AMZ1: variants seen among roughly 807,000 people sequenced by gnomAD.
AMZ1 encodes archaelysin family metallopeptidase 1.
Under a neutral mutation model 29.9 loss-of-function variants are expected in AMZ1, and 39 were observed. That is an observed-to-expected ratio of 1.30 (90% CI 1.01 to 1.70). The LOEUF (loss-of-function observed/expected upper bound fraction) is 1.70, where lower values mean the gene tolerates loss of function less well. Among genes scored for constraint, AMZ1 ranks in the 40% most tolerant of loss-of-function variants. The pLI is 0.00. For synonymous variants in AMZ1, 458 were observed against 304.0 expected (o/e 1.51, Z -5.27); for missense variants, 1,041 against 680.6 (o/e 1.53, Z -5.89).
intron 1 of AMZ1, among the ~76,000 whole-genome samples, chr7:2,698,814 C>T (rs529170668): frequency 2.4e-4 from 37 of 152,200 alleles, no homozygotes; most frequent in African/African-American, 5.8e-4. Flanking sequence ...CCAGCCTGGA[C>T]GAAACAGCGA....
intron 1 of AMZ1, among the ~76,000 whole-genome samples, chr7:2,680,149 G>C (rs947229704): frequency 6.6e-6 from 1 of 152,174 alleles, no homozygotes; most frequent in Non-Finnish European, 1.5e-5. Context: ...AGGTTGACTA[G>C]ATGCTCCTTG....
intron 6 of AMZ1, among the ~76,000 whole-genome samples, chr7:2,711,103 C>T (rs767350771): frequency 6.6e-6 from 1 of 152,188 alleles, no homozygotes; most frequent in African/African-American, 2.4e-5. Context: ...GAGGGTGTAG[C>T]TCCTCCTCCT....
intron 1 of AMZ1, among the ~76,000 whole-genome samples, 165 bp downstream of exon 1, chr7:2,688,461 G>T (rs1025895479): frequency 1.3e-5 from 2 of 152,060 alleles, no homozygotes; most frequent in Non-Finnish European, 2.9e-5. Flanking sequence ...GCGGAGACGC[G>T]AAGGGCGCAC....
At position 2,717,627 on chromosome 7, in the gene AMZ1, G is replaced by T. The variant is rs1484135522; in HGVS notation, c.*4749G>T. ...CACGAGGCTGTCAAAGATAAACACC[G>T]CAGGGTAATCTAGGAAACACTTCCG... On this transcript the variant is annotated 3_prime_UTR_variant, in exon 7 of 7. Transcript: ENST00000683327. Among the ~76,000 whole-genome samples, 1 of 152,198 alleles carries T rather than the reference G, an allele frequency of 6.6e-6. No individual in the cohort carries two copies. Among genetic ancestry groups the T allele is most frequent in the Non-Finnish European group, 1.5e-5 (1 of 68,040 alleles).
intron 4 of AMZ1, among the ~76,000 whole-genome samples, chr7:2,740,864 G>A (rs1003378160): frequency 1.3e-5 from 2 of 152,190 alleles, no homozygotes; most frequent in African/African-American, 4.8e-5. Flanking sequence ...CTAGCATGGT[G>A]AAACCCTGCC....
At position 2,708,579 on chromosome 7, in the gene AMZ1, T is replaced by A. The variant is rs762249670; in HGVS notation, c.473-9T>A. The A allele has an allele frequency of 3.7e-6, 6 of 1,611,818 alleles. No individual in the cohort carries two copies. Among genetic ancestry groups the A allele is most frequent in the Non-Finnish European group, 5.1e-6 (6 of 1,179,814 alleles). On this transcript the variant is annotated splice_polypyrimidine_tract_variant and intron_variant, in intron 3 of 6. Coordinates refer to ENST00000683327, the MANE Select transcript of AMZ1 (RefSeq NM_001384743.1). ...CTCCTGACCCCATCCTCTGGCCCTC[T>A]CCCCGCAGACGGCATCCTGTCCTTC...
intron 1 of AMZ1, among the ~76,000 whole-genome samples, chr7:2,692,408 G>A (rs1583144612): frequency 6.6e-6 from 1 of 152,312 alleles, no homozygotes; most frequent in East Asian, 1.9e-4. Context: ...CGGGTGTGGT[G>A]GCGGGCGCCT....
intron 4 of AMZ1, among the ~76,000 whole-genome samples, chr7:2,740,123 C>T (rs530131528): frequency 5.3e-5 from 8 of 152,148 alleles, no homozygotes; most frequent in East Asian, 1.9e-4. Context: ...TTTTTAAAAA[C>T]GGTGGCCATC....
rs1788901608 is a variant in AMZ1 at position 2,713,026 on chromosome 7, C to A, written c.*148C>A. The A allele has an allele frequency of 4.5e-6, 4 of 891,380 alleles. No individual in the cohort carries two copies. The highest frequency in any genetic ancestry group is 6.2e-6 in the Non-Finnish European group (4 of 647,146). The allele number at this position is 891,380 out of a possible 1,614,324, so 55.2% of individuals were successfully genotyped here. A position where few individuals can be genotyped will look rare whatever the true frequency, so the allele number is the denominator to read the frequency against. ...CCTGTCATCCCATCACTTTGAGAGG[C>A]CAGGAGTTTGAGACCAGACTGGGCA... On this transcript the variant is annotated 3_prime_UTR_variant, in exon 7 of 7. Coordinates refer to ENST00000683327, the MANE Select transcript of AMZ1 (RefSeq NM_001384743.1).
intron 4 of AMZ1, among the ~76,000 whole-genome samples, chr7:2,758,572 T>C (rs548739956): frequency 6.6e-6 from 1 of 151,866 alleles, no homozygotes; most frequent in Non-Finnish European, 1.5e-5. Context: ...CAAAGGGAGG[T>C]GATCTTGGTG....
upstream of AMZ1, chr7:2,762,674 T>C: frequency 6.3e-7 from 1 of 1,595,684 alleles, no homozygotes; most frequent in Non-Finnish European, 8.5e-7. Flanking sequence ...ATAAATCATT[T>C]GGAAAGAAAC....
Position 2,718,044 on chromosome 7 carries a change from G to C in AMZ1, c.*5166G>C, listed in dbSNP as rs892265497. On this transcript the variant is annotated 3_prime_UTR_variant, in exon 7 of 7. Coordinates refer to ENST00000683327, the MANE Select transcript of AMZ1 (RefSeq NM_001384743.1). ...CAGAGGGTCCGCGGCAGCCAGGCCC[G>C]TCCAACCTCCTGCCCTCTCTGAGAG... is the stretch of plus-strand genomic sequence containing the variant. 5.9e-5 allele frequency among the ~76,000 whole-genome samples: 9 copies of C among 152,204 alleles called. No individual in the cohort carries two copies. Among genetic ancestry groups the C allele is most frequent in the Non-Finnish European group, 1.2e-4 (8 of 68,032 alleles).
rs1012246608 is a variant in AMZ1, at chr7:2,718,780, C to T, written c.*5902C>T. Reference sequence around the variant, plus strand: ...AAGCGGGCAGGCCAGGGCCGAGCTGCGTCCGGCTCTCAGGGACTTCCTCTC... The same window carrying T: ...AAGCGGGCAGGCCAGGGCCGAGCTGTGTCCGGCTCTCAGGGACTTCCTCTC... On this transcript the variant is annotated 3_prime_UTR_variant, in exon 7 of 7. Transcript: ENST00000683327. Among the ~76,000 whole-genome samples the T allele has an allele frequency of 7.2e-5, 11 of 152,326 alleles. No individual in the cohort carries two copies. The highest frequency in any genetic ancestry group is 5.8e-4 in the East Asian group (3 of 5,168).
Position 2,719,151 on chromosome 7 carries a change from G to C in AMZ1, c.*6273G>C, listed in dbSNP as rs112715629. Reference sequence around the variant, plus strand: ...GGCCTTTACTGGATGGGCAGGATGCGGGCAGCAGCTTTGTCGGCTGCCAAC... The same window carrying C: ...GGCCTTTACTGGATGGGCAGGATGCCGGCAGCAGCTTTGTCGGCTGCCAAC... On this transcript the variant is annotated 3_prime_UTR_variant, in exon 7 of 7. Transcript: ENST00000683327. 6.6e-6 allele frequency among the ~76,000 whole-genome samples: 1 copy of C among 152,270 alleles called. No homozygotes were observed. Among genetic ancestry groups the C allele is most frequent in the African/African-American group, 2.4e-5 (1 of 41,560 alleles).
intron 3 of AMZ1, among the ~76,000 whole-genome samples, chr7:2,708,345 C>A (rs1788495878): frequency 1.3e-5 from 2 of 152,154 alleles, no homozygotes; most frequent in South Asian, 4.1e-4. Context: ...TCTCCAGCGT[C>A]CCCACTGGGC....
At chr7:2,745,963 G>A (rs146165687) in intron 4 of AMZ1, among the ~76,000 whole-genome samples, 3,582 of 152,146 alleles carry the variant, frequency 0.024, 97 homozygotes, top group Middle Eastern at 0.075. Context: ...TCAACAAGAA[G>A]AGCTAACTAT....
chr7:2,684,901 T>TCTCG (rs1491390025), upstream of AMZ1, among the ~76,000 whole-genome samples: 7 of 138,998 alleles, frequency 5.0e-5, no homozygotes, highest in East Asian at 4.2e-4. Context: ...TGAGACGGAG[T>TCTCG]CTCTGTCGCC....
Position 2,737,269 on chromosome 7 carries a change from G to GTTTTTTTTTTTTTTTTTTTTT in AMZ1, n.551-27439_551-27438insTTTTTTTTTTTTTTTTTTTTT, listed in dbSNP as rs1317020597. Among the ~76,000 whole-genome samples the GTTTTTTTTTTTTTTTTTTTTT allele has an allele frequency of 1.0e-4, 4 of 38,120 alleles. 1 individual carries two copies. The highest frequency in any genetic ancestry group is 1.9e-4 in the African/African-American group (2 of 10,700). The allele number at this position is 38,120 out of a possible 152,430, so 25.0% of individuals were successfully genotyped here. Reference sequence around the variant, plus strand: ...CATTCAGGAGCTATCTCACAGTTTTGTTTTGTTTTTTTTTTTTTTGTTTTT... The same window carrying GTTTTTTTTTTTTTTTTTTTTT: ...CATTCAGGAGCTATCTCACAGTTTTGTTTTTTTTTTTTTTTTTTTTTTTTTGTTTTTTTTTTTTTTGTTTTT... On this transcript the variant is annotated intron_variant and non_coding_transcript_variant, in intron 4 of 4. Coordinates refer to the AMZ1 transcript ENST00000489665.
chr7:2,682,910 CG>C (rs1786937455), intron 1 of AMZ1, among the ~76,000 whole-genome samples: 2 of 152,248 alleles, frequency 1.3e-5, no homozygotes, highest in African/African-American at 4.8e-5. Context: ...GCCGTTGACC[CG>C]GGCTCATCTT....
Sources: gnomAD v4.1 joint callset for allele counts (sites outside exome capture counted in the v4.1 genomes callset) on GRCh38, gnomAD v4.1.1 for gene constraint, MANE v1.5 for transcripts, NCBI Gene and HGNC (gene_info 2026-07-23, HGNC 2026-07-21) for gene names.